The following RBFOX1 variants were observed in gnomAD, a reference collection of about 807,000 sequenced individuals.
RBFOX1 encodes RNA binding protein fox-1 homolog 1.
RBFOX1 carries 8 observed loss-of-function variants against 57.7 expected under a neutral mutation model. That is an observed-to-expected ratio of 0.14 (90% CI 0.08 to 0.25). The LOEUF is 0.25. RBFOX1 is among the 10% of genes least tolerant of loss of function. RBFOX1 has a pLI of 1.00. For synonymous variants in RBFOX1, 326 were observed against 222.4 expected (o/e 1.47, Z -4.15); for missense variants, 611 against 548.5 (o/e 1.11, Z -1.14).
intron 3 of RBFOX1, among the ~76,000 whole-genome samples, chr16:7,001,923 C>T (rs1051681367): frequency 1.3e-5 from 2 of 152,054 alleles, no homozygotes; most frequent in African/African-American, 4.8e-5. Context: ...AATAGAAGAT[C>T]AGTTCTACTT....
At chr16:6,914,793 C>T (rs1205060600) in intron 3 of RBFOX1, among the ~76,000 whole-genome samples, 1 of 152,136 alleles carries the variant, frequency 6.6e-6, no homozygotes, top group Non-Finnish European at 1.5e-5. Flanking sequence ...GAGGCAGAAA[C>T]AACAAGATCG....
intron 4 of RBFOX1, among the ~76,000 whole-genome samples, chr16:7,114,049 A>G (rs1454146173): frequency 6.6e-6 from 1 of 152,134 alleles, no homozygotes; most frequent in African/African-American, 2.4e-5. Flanking sequence ...TGAGCAAAGA[A>G]CTGTCACCTC....
chr16:5,911,603 T>C (rs1351834741), intron 4 of RBFOX1, among the ~76,000 whole-genome samples: 1 of 152,192 alleles, frequency 6.6e-6, no homozygotes, highest in Non-Finnish European at 1.5e-5. Flanking sequence ...TGCGGAGGCA[T>C]TGTTTTACTC....
intron 1 of RBFOX1, among the ~76,000 whole-genome samples, chr16:5,287,398 C>T (rs1012176260): frequency 2.0e-5 from 3 of 152,098 alleles, no homozygotes; most frequent in South Asian, 2.1e-4. Flanking sequence ...ACTAGCTCTA[C>T]AGTCTTATTC....
At chr16:5,702,969 A>C (rs1364184417) in intron 3 of RBFOX1, among the ~76,000 whole-genome samples, 1 of 152,178 alleles carries the variant, frequency 6.6e-6, no homozygotes, top group African/African-American at 2.4e-5. Context: ...CTATGTGACA[A>C]ACATCATGTA....
intron 1 of RBFOX1, among the ~76,000 whole-genome samples, chr16:5,433,898 A>G (rs2067830968): frequency 6.6e-6 from 1 of 152,196 alleles, no homozygotes; most frequent in South Asian, 2.1e-4. Flanking sequence ...GTTAGAGACA[A>G]GACAACAACC....
intron 1 of RBFOX1, among the ~76,000 whole-genome samples, chr16:5,382,496 G>C (rs1275250900): frequency 6.6e-6 from 1 of 151,578 alleles, no homozygotes; most frequent in African/African-American, 2.4e-5. Flanking sequence ...TAGAATTTAT[G>C]ATTTGCAATC....
intron 3 of RBFOX1, among the ~76,000 whole-genome samples, chr16:6,958,628 A>ATGC (rs1438964899): frequency 6.6e-6 from 1 of 152,180 alleles, no homozygotes; most frequent in Non-Finnish European, 1.5e-5. Flanking sequence ...TAGGGATGTG[A>ATGC]TGCTATTGGC....
At chr16:6,085,724 G>A (rs1239919613) in intron 1 of RBFOX1, among the ~76,000 whole-genome samples, 1 of 152,082 alleles carries the variant, frequency 6.6e-6, no homozygotes, top group Non-Finnish European at 1.5e-5. Context: ...TGCAGCCCGT[G>A]GCGCTTAAAT....
chr16:5,944,988 AGAG>A (rs1379059518), intron 4 of RBFOX1, among the ~76,000 whole-genome samples: 8 of 61,340 alleles, frequency 1.3e-4, no homozygotes, highest in East Asian at 7.6e-4. Context: ...AAAAAAAAAA[AGAG>A]AGAGAGAGAG....
At chr16:5,785,246 T>G (rs2054461149) in intron 3 of RBFOX1, among the ~76,000 whole-genome samples, 1 of 152,210 alleles carries the variant, frequency 6.6e-6, no homozygotes, top group Admixed American at 6.5e-5. Context: ...GATTGCAGTA[T>G]GTTCAACCTC....
chr16:6,891,434 C>T lies in RBFOX1; in HGVS notation c.-15-160623C>T, dbSNP rs552294258. Among the ~76,000 whole-genome samples the T allele has an allele frequency of 2.6e-5, 4 of 152,034 alleles. No individual in the cohort carries two copies. The South Asian group carries it at 8.3e-4, about 32-fold the overall frequency. Reference sequence around the variant, plus strand: ...GTTTGCCTTTTCTACCTAATAGTACCTTGTTGATGAAGACACATACACACA... The same window carrying T: ...GTTTGCCTTTTCTACCTAATAGTACTTTGTTGATGAAGACACATACACACA... On this transcript the variant is annotated intron_variant, in intron 3 of 15. Transcript: ENST00000550418.
chr16:6,379,942 G>C (rs1017073727), intron 2 of RBFOX1, among the ~76,000 whole-genome samples: 3 of 152,170 alleles, frequency 2.0e-5, no homozygotes, highest in African/African-American at 7.2e-5. Flanking sequence ...TCAGGAGAGG[G>C]GGTGTCCACA....
upstream of RBFOX1, among the ~76,000 whole-genome samples, chr16:6,016,762 A>C (rs2094996253): frequency 6.6e-6 from 1 of 152,324 alleles, no homozygotes; most frequent in East Asian, 1.9e-4. Flanking sequence ...GGAGCTGTCA[A>C]CTTCAGCACC....
intron 4 of RBFOX1, among the ~76,000 whole-genome samples, chr16:5,943,884 C>G (rs1395961991): frequency 1.3e-5 from 2 of 151,938 alleles, no homozygotes; most frequent in Admixed American, 1.3e-4. Context: ...TACCTGTTCA[C>G]CCAGCCATTC....
At chr16:5,273,427 C>G (rs2063065073) in intron 1 of RBFOX1, among the ~76,000 whole-genome samples, 3 of 152,164 alleles carry the variant, frequency 2.0e-5, no homozygotes, top group Middle Eastern at 3.4e-3. Context: ...GAGTCTAGTT[C>G]CCACTCTCAG....
At chr16:6,226,265 C>G (rs969988664) in intron 1 of RBFOX1, among the ~76,000 whole-genome samples, 1 of 145,260 alleles carries the variant, frequency 6.9e-6, no homozygotes, top group Non-Finnish European at 1.5e-5. Context: ...CCCAGGTACT[C>G]GGGAGGCTGA....
At chr16:6,691,005 T>C (rs1206029777) in intron 3 of RBFOX1, among the ~76,000 whole-genome samples, 1 of 152,172 alleles carries the variant, frequency 6.6e-6, no homozygotes, top group Non-Finnish European at 1.5e-5. Flanking sequence ...TGGAAACAAG[T>C]ACCAGCGCTT....
In RBFOX1 at chr16:5,281,256, G is replaced by C. The variant is rs558869744; in HGVS notation, c.219+41151G>C. Among the ~76,000 whole-genome samples the C allele has an allele frequency of 7.2e-5, 11 of 152,130 alleles. 1 individual carries two copies. The South Asian group carries it at 1.9e-3, about 26-fold the overall frequency. Reference sequence around the variant, plus strand: ...AGTTTCCAAATTTCTTCTTGTTATTGATTTCAAGTTTTATTCCATTGTGGT... The same window carrying C: ...AGTTTCCAAATTTCTTCTTGTTATTCATTTCAAGTTTTATTCCATTGTGGT... On this transcript the variant is annotated intron_variant, in intron 1 of 2. Coordinates refer to the RBFOX1 transcript ENST00000585867.
Sources: allele counts gnomAD v4.1 joint callset (sites outside exome capture counted in the v4.1 genomes callset), GRCh38; gene constraint gnomAD v4.1.1; transcripts MANE v1.5; gene names NCBI Gene and HGNC (gene_info 2026-07-23, HGNC 2026-07-21).